The following ZSCAN31 variants were observed in gnomAD, a reference collection of about 807,000 sequenced individuals.
ZSCAN31 encodes the protein zinc finger and SCAN domain-containing protein 31.
A neutral mutation model predicts 22.5 loss-of-function variants in ZSCAN31; 14 were observed. The observed-to-expected ratio is 0.62, with a 90% confidence interval of 0.41 to 0.97. ZSCAN31 has a LOEUF of 0.97. Ranked by LOEUF, ZSCAN31 falls within the 50% of genes least tolerant of loss-of-function variation. ZSCAN31 has a pLI of 0.00. For missense variants in ZSCAN31, 424 were observed against 483.4 expected (o/e 0.88, Z 1.15); for synonymous variants, 168 against 169.8 (o/e 0.99, Z 0.08).
intron 2 of ZSCAN31, among the ~76,000 whole-genome samples, chr6:28,345,144 C>CAAAAAAAAAAAA (rs60598517): frequency 3.2e-5 from 3 of 93,624 alleles, no homozygotes; most frequent in African/African-American, 1.1e-4. Flanking sequence ...AACTGTGTCT[C>CAAAAAAAAAAAA]AAAAAAAAAA....
chr6:28,340,925 G>T (rs920143881), upstream of ZSCAN31, among the ~76,000 whole-genome samples: 1 of 152,118 alleles, frequency 6.6e-6, no homozygotes, highest in Non-Finnish European at 1.5e-5. Context: ...TGGTTGGTTG[G>T]CTTGCAGTGC....
In ZSCAN31 at chr6:28,327,539, G is replaced by T; in HGVS notation, c.382-6C>A. On this transcript the variant is annotated splice_polypyrimidine_tract_variant and splice_region_variant and intron_variant, in intron 2 of 3. Coordinates refer to ENST00000344279, the MANE Select transcript of ZSCAN31 (RefSeq NM_030899.5). ...CCATGTTCATGGTCTGGAGCCTGAA[G>T]GCAGGTAGGCATATTTGGTTAAAGA... is the stretch of plus-strand genomic sequence containing the variant. 6.2e-7 allele frequency: 1 copy of T among 1,611,514 alleles called. No individual in the cohort carries two copies. The highest frequency in any genetic ancestry group is 8.5e-7 in the Non-Finnish European group (1 of 1,179,948).
chr6:28,329,039 G>A (rs1019562567), intron 2 of ZSCAN31, among the ~76,000 whole-genome samples: 1 of 152,104 alleles, frequency 6.6e-6, no homozygotes, highest in African/African-American at 2.4e-5. Flanking sequence ...GTACCAACAT[G>A]GTAAAGAACT....
intron 2 of ZSCAN31, among the ~76,000 whole-genome samples, chr6:28,343,522 TTTTCTTTTTTTTTTTC>T (rs1489399675): frequency 6.0e-5 from 9 of 149,404 alleles, no homozygotes; most frequent in Non-Finnish European, 1.3e-4. Context: ...GCATATTTTC[TTTTCTTTTTTTTTTTC>T]TTTCTTTTTT....
chr6:28,329,709 C>T lies in ZSCAN31; in HGVS notation c.-26G>A. The T allele has an allele frequency of 1.3e-6, 2 of 1,586,734 alleles. No homozygotes were observed. Among genetic ancestry groups the T allele is most frequent in the South Asian group, 2.3e-5 (2 of 88,432 alleles). On this transcript the variant is annotated 5_prime_UTR_variant, in exon 2 of 4. Transcript: ENST00000344279. ...TCCTGGGGTTAATTTGGAAGGCTTACTCTGGCTTTAAGTAAAGGGATAACT... is the reference window on the plus strand; with the variant it reads ...TCCTGGGGTTAATTTGGAAGGCTTATTCTGGCTTTAAGTAAAGGGATAACT...
chr6:28,343,436 A>T (rs750584434), intron 2 of ZSCAN31, among the ~76,000 whole-genome samples: 1 of 151,334 alleles, frequency 6.6e-6, no homozygotes, highest in Non-Finnish European at 1.5e-5. Flanking sequence ...AGCCAGGCAG[A>T]CTCTAAAGAA....
intron 2 of ZSCAN31, chr6:28,341,939 T>G (rs1298473372): frequency 6.6e-6 from 1 of 152,208 alleles, no homozygotes; most frequent in African/African-American, 2.4e-5. Context: ...AGAAGGAATG[T>G]TCTTCTAATT....
upstream of ZSCAN31, among the ~76,000 whole-genome samples, chr6:28,337,251 C>T (rs1225618930): frequency 6.6e-6 from 1 of 152,164 alleles, no homozygotes; most frequent in Admixed American, 6.5e-5. Context: ...TTGGTACATC[C>T]AAAGAACTGG....
At chr6:28,342,368 A>G (rs1008998351) in intron 2 of ZSCAN31, among the ~76,000 whole-genome samples, 8 of 152,192 alleles carry the variant, frequency 5.3e-5, no homozygotes, top group Admixed American at 3.9e-4. Flanking sequence ...AGTGTTCTCT[A>G]CTTGCTTGAA....
upstream of ZSCAN31, among the ~76,000 whole-genome samples, chr6:28,338,894 T>C (rs13217619): frequency 0.05 from 7,641 of 152,308 alleles, 310 homozygotes; most frequent in Non-Finnish European, 0.087. Context: ...CTATCAAGTT[T>C]CTTTCAATTA....
In ZSCAN31 at chr6:28,333,366, T is replaced by C. The variant is rs7772827; in HGVS notation, c.-96+2716A>G. 0.36 allele frequency among the ~76,000 whole-genome samples: 54,026 copies of C among 152,038 alleles called. 11,142 individuals are homozygous for C. Among genetic ancestry groups the C allele is most frequent in the African/African-American group, 0.57 (23,565 of 41,422 alleles). On this transcript the variant is annotated intron_variant, in intron 1 of 3. Coordinates refer to ENST00000344279, the MANE Select transcript of ZSCAN31 (RefSeq NM_030899.5). This position sits in a 1 kb window ranked among gnomAD's most constrained non-coding sequence, Gnocchi z 4.1. ...AACATACCAGGTACTTGGCTGGGCA[T>C]TAGGGCTACAATGGTGAAAAAGACG... is the stretch of plus-strand genomic sequence containing the variant.
rs376566379 is a variant in ZSCAN31 at position 28,329,513 on chromosome 6, C to T, written c.171G>A (p.Leu57=). The T allele has an allele frequency of 6.2e-7, 1 of 1,614,240 alleles. No individual in the cohort carries two copies. The highest frequency in any genetic ancestry group is 1.3e-5 in the African/African-American group (1 of 75,066). The part of the protein sequence containing the change: ...YQETPGPREA[L]SRLRELCHQW... Reference sequence around the variant, plus strand: ...GATGACAGAGTTCTCGGAGCCGGCTCAGAGCTTCTCGGGGACCAGGAGTCT... The same window carrying T: ...GATGACAGAGTTCTCGGAGCCGGCTTAGAGCTTCTCGGGGACCAGGAGTCT... The change falls in exon 2 of 4, where the codon CTG becomes CTA. Residue 57 remains leucine (L), a synonymous_variant. Transcript: ENST00000344279.
chr6:28,333,442 C>T lies in ZSCAN31; in HGVS notation c.-96+2640G>A, dbSNP rs1176777975. Among the ~76,000 whole-genome samples, 2 of 151,814 alleles carry T rather than the reference C, an allele frequency of 1.3e-5. No individual in the cohort carries two copies. Among genetic ancestry groups the T allele is most frequent in the Non-Finnish European group, 2.9e-5 (2 of 67,956 alleles). ...AAACATTTTAACGGGGAAGACAAAC[C>T]AAAAATAAAAGCAACAACAAAAATA... On this transcript the variant is annotated intron_variant, in intron 1 of 3. Transcript: ENST00000344279. The surrounding 1 kb of genome is among the most constrained non-coding windows in gnomAD (Gnocchi z 4.1).
chr6:28,330,643 A>T (rs1000153942), intron 1 of ZSCAN31, among the ~76,000 whole-genome samples: 2 of 152,236 alleles, frequency 1.3e-5, no homozygotes, highest in African/African-American at 4.8e-5. Context: ...CTCTGGTCCC[A>T]AGCATTTTGG....
At chr6:28,327,271 T>C (rs1327063048) in intron 3 of ZSCAN31, 112 bp downstream of exon 3, 1 of 1,256,568 alleles carries the variant, frequency 8.0e-7, no homozygotes, top group Non-Finnish European at 1.1e-6. Flanking sequence ...AACTATTAAA[T>C]GCAGCGTTTA....
chr6:28,333,390 C>T lies in ZSCAN31; in HGVS notation c.-96+2692G>A, dbSNP rs7752721. 0.046 allele frequency among the ~76,000 whole-genome samples: 7,071 copies of T among 152,194 alleles called. 395 individuals are homozygous for T. Among genetic ancestry groups the T allele is most frequent in the African/African-American group, 0.14 (5,708 of 41,514 alleles). ...ATTAGGGCTACAATGGTGAAAAAGA[C>T]GGGACCAGGCCCTGTTTTGCTGGAG... is the stretch of plus-strand genomic sequence containing the variant. On this transcript the variant is annotated intron_variant, in intron 1 of 3. Transcript: ENST00000344279. This position sits in a 1 kb window ranked among gnomAD's most constrained non-coding sequence, Gnocchi z 4.1.
chr6:28,349,105 CATGTCTCATATACATAGGTGTATATAT>C lies in ZSCAN31; in HGVS notation c.-371+4730_-371+4756del, dbSNP rs1214027427. Among the ~76,000 whole-genome samples, 9 of 137,280 alleles carry C rather than the reference CATGTCTCATATACATAGGTGTATATAT, an allele frequency of 6.6e-5. No individual in the cohort carries two copies. Among genetic ancestry groups the C allele is most frequent in the East Asian group, 6.4e-4 (3 of 4,652 alleles). 90.1% of individuals were successfully genotyped at this position (137,280 alleles called of 152,430 possible). On this transcript the variant is annotated intron_variant, in intron 2 of 7. Transcript: ENST00000396838. The surrounding 1 kb of genome is among the most constrained non-coding windows in gnomAD (Gnocchi z 4.1). ...TGTCTCATATACATAGGTGTATATA[CATGTCTCATATACATAGGTGTATATAT>C]ATGTCTCATATATAGGTGTATATAT... is the stretch of plus-strand genomic sequence containing the variant.
At chr6:28,330,681 AT>A (rs775371362) in intron 1 of ZSCAN31, among the ~76,000 whole-genome samples, 1 of 152,232 alleles carries the variant, frequency 6.6e-6, no homozygotes, top group Non-Finnish European at 1.5e-5. Context: ...TGTAGAAGTG[AT>A]TTAAAAGCCT....
At chr6:28,332,261 G>C (rs1763809797) in intron 1 of ZSCAN31, 1 of 152,146 alleles carries the variant, frequency 6.6e-6, no homozygotes, top group African/African-American at 2.4e-5. Flanking sequence ...AAAATGCCTA[G>C]AAGACTTAGA....
Sources: gnomAD v4.1 joint callset for allele counts (sites outside exome capture counted in the v4.1 genomes callset) on GRCh38, gnomAD v4.1.1 for gene constraint, Gnocchi (gnomAD v3.1) non-coding constraint, MANE v1.5 for transcripts, NCBI Gene and HGNC (gene_info 2026-07-23, HGNC 2026-07-21) for gene names.